The following ADGRV1 variants were observed in gnomAD, a reference collection of about 807,000 sequenced individuals.
The protein encoded by ADGRV1 is G-protein coupled receptor 98.
A neutral mutation model predicts 596.2 loss-of-function variants in ADGRV1; 359 were observed. That is an observed-to-expected ratio of 0.60 (90% confidence interval 0.55 to 0.66). The LOEUF is 0.66. ADGRV1 is among the 30% of genes least tolerant of loss of function. ADGRV1 has a pLI of 0.00. For missense variants in ADGRV1, 7,274 were observed against 7,575.6 expected (o/e 0.96, Z 1.48); for synonymous variants, 2,681 against 2,679.2 (o/e 1.00, Z -0.02).
intron 86 of ADGRV1, among the ~76,000 whole-genome samples, chr5:91,101,757 C>T (rs949567700): frequency 6.6e-6 from 1 of 150,790 alleles, no homozygotes; most frequent in Admixed American, 6.6e-5. Flanking sequence ...GATGTGAGTA[C>T]AGGTTTTTCC....
intron 83 of ADGRV1, chr5:90,929,599 A>C (rs10035662): frequency 0.28 from 43,139 of 154,406 alleles, 6,602 homozygotes; most frequent in Non-Finnish European, 0.35. Flanking sequence ...CTTCTGCGTC[A>C]CTCAGGCTGG....
At chr5:90,755,833 T>A (rs1013352006) in intron 55 of ADGRV1, among the ~76,000 whole-genome samples, 1 of 148,320 alleles carries the variant, frequency 6.7e-6, no homozygotes, top group Non-Finnish European at 1.5e-5. Context: ...TACCATAGAA[T>A]ATATTATATG....
At chr5:90,820,784 C>A (rs1003494513) in intron 75 of ADGRV1, among the ~76,000 whole-genome samples, 1 of 151,746 alleles carries the variant, frequency 6.6e-6, no homozygotes, top group African/African-American at 2.4e-5. Flanking sequence ...CCGAGAGATC[C>A]GCTGTTAGTC....
chr5:90,744,839 C>A (rs1010933862), intron 50 of ADGRV1, among the ~76,000 whole-genome samples: 1 of 152,056 alleles, frequency 6.6e-6, no homozygotes, highest in Non-Finnish European at 1.5e-5. Flanking sequence ...GTATGGAAAC[C>A]TCATCAAGCT....
intron 58 of ADGRV1, 30 bp from the exon 59 acceptor site, chr5:90,763,275 G>C: frequency 7.8e-6 from 10 of 1,289,914 alleles, no homozygotes; most frequent in Admixed American, 5.9e-5. Flanking sequence ...TTTTTTTTTT[G>C]TTTGGCCTTA....
intron 53 of ADGRV1, 151 bp from the exon 54 acceptor site, chr5:90,753,423 A>T (rs780649947): frequency 3.6e-6 from 2 of 554,196 alleles, no homozygotes; most frequent in Non-Finnish European, 6.2e-6. Flanking sequence ...TATGAAAGAC[A>T]TCTGATTTGT....
chr5:91,060,591 A>T (rs1178737946), intron 85 of ADGRV1, among the ~76,000 whole-genome samples: 1 of 152,150 alleles, frequency 6.6e-6, no homozygotes, highest in African/African-American at 2.4e-5. Context: ...TTAAAATTTT[A>T]ATAATAGTGC....
At chr5:91,022,328 G>A (rs1286377686) in intron 85 of ADGRV1, among the ~76,000 whole-genome samples, 1 of 151,982 alleles carries the variant, frequency 6.6e-6, no homozygotes, top group Non-Finnish European at 1.5e-5. Flanking sequence ...TCCGGACTTA[G>A]GCTTAGGTCC....
chr5:90,658,948 C>T (rs1769833702), intron 21 of ADGRV1, among the ~76,000 whole-genome samples: 1 of 152,096 alleles, frequency 6.6e-6, no homozygotes. Flanking sequence ...GAACAAGAGT[C>T]TTTCTTTTTG....
chr5:90,734,404 T>C (rs1752948104), intron 50 of ADGRV1, among the ~76,000 whole-genome samples: 1 of 152,178 alleles, frequency 6.6e-6, no homozygotes, highest in South Asian at 2.1e-4. Flanking sequence ...CATTTCCTTT[T>C]CTCCTCTTCT....
chr5:90,969,086 T>C (rs1778727061), intron 84 of ADGRV1, among the ~76,000 whole-genome samples: 2 of 152,198 alleles, frequency 1.3e-5, no homozygotes, highest in Admixed American at 6.5e-5. Flanking sequence ...TAGAGTAGCT[T>C]AGGGAAAATT....
At chr5:90,664,197 C>A (rs1042719400) in intron 21 of ADGRV1, among the ~76,000 whole-genome samples, 41 of 147,572 alleles carry the variant, frequency 2.8e-4, no homozygotes, top group African/African-American at 9.9e-4. Flanking sequence ...TGTAAATTAC[C>A]TTGGGCAGTA....
At chr5:90,942,731 T>G (rs979642929) in intron 83 of ADGRV1, among the ~76,000 whole-genome samples, 20 of 152,268 alleles carry the variant, frequency 1.3e-4, no homozygotes, top group Non-Finnish European at 2.6e-4. Flanking sequence ...CAAGAGAAAT[T>G]GATTATCTGA....
intron 6 of ADGRV1, chr5:90,626,213 A>G (rs1409983919): frequency 6.6e-6 from 1 of 152,204 alleles, no homozygotes; most frequent in Non-Finnish European, 1.5e-5. Flanking sequence ...GAAAAAATGT[A>G]TTAGAGTATT....
chr5:90,683,020 G>T (rs1461964394), intron 27 of ADGRV1, among the ~76,000 whole-genome samples: 1 of 152,132 alleles, frequency 6.6e-6, no homozygotes, highest in Non-Finnish European at 1.5e-5. Context: ...TCCTTGCAAT[G>T]AAATATATAC....
chr5:91,099,432 CT>C (rs1239421477), intron 86 of ADGRV1, among the ~76,000 whole-genome samples: 2 of 152,132 alleles, frequency 1.3e-5, no homozygotes, highest in Non-Finnish European at 1.5e-5. Flanking sequence ...GGGCCCAAGC[CT>C]CGGTGTCAGA....
At chr5:90,719,453 A>T (rs529234082) in intron 43 of ADGRV1, among the ~76,000 whole-genome samples, 2 of 152,182 alleles carry the variant, frequency 1.3e-5, no homozygotes, top group African/African-American at 4.8e-5. Flanking sequence ...ATCATTGAAG[A>T]CTCATTTTGC....
At chr5:91,117,330 A>G (rs575849857) in intron 87 of ADGRV1, among the ~76,000 whole-genome samples, 1 of 152,282 alleles carries the variant, frequency 6.6e-6, no homozygotes, top group Non-Finnish European at 1.5e-5. Flanking sequence ...TATCCAGACT[A>G]TGTTCATGTA....
intron 1 of ADGRV1, among the ~76,000 whole-genome samples, chr5:90,560,248 A>G (rs1754640508): frequency 6.6e-6 from 1 of 152,150 alleles, no homozygotes; most frequent in Non-Finnish European, 1.5e-5. Flanking sequence ...TCAAATTATT[A>G]CTTTTAGAAG....
Sources: gnomAD v4.1 joint callset for allele counts (sites outside exome capture counted in the v4.1 genomes callset) on GRCh38, gnomAD v4.1.1 for gene constraint, MANE v1.5 for transcripts, NCBI Gene and HGNC (gene_info 2026-07-23, HGNC 2026-07-21) for gene names.